PPP2R5E: variants seen among roughly 807,000 people sequenced by gnomAD.
PPP2R5E encodes protein phosphatase 2 regulatory subunit B'epsilon, also known as serine/threonine-protein phosphatase 2A 56 kDa regulatory subunit epsilon isoform.
PPP2R5E carries 4 observed loss-of-function variants against 65.3 expected under a neutral mutation model. That is an observed-to-expected ratio of 0.06 (90% CI 0.03 to 0.14). The LOEUF is 0.14. PPP2R5E is among the 10% of genes least tolerant of loss of function. The pLI is 1.00. For missense variants in PPP2R5E, 274 were observed against 556.1 expected, an observed-to-expected ratio of 0.49 and a Z score of 5.10; for synonymous variants, 183 against 187.4, an observed-to-expected ratio of 0.98 and a Z score of 0.19.
chr14:63,479,342 A>G (rs1353301397), intron 2 of PPP2R5E: 1 of 152,106 alleles, frequency 6.6e-6, no homozygotes, highest in Non-Finnish European at 1.5e-5. Context: ...CTGGAGGCAG[A>G]CATCACCCCT....
At chr14:63,395,394 G>C in intron 6 of PPP2R5E, 109 bp from the exon 7 acceptor site, 1 of 504,200 alleles carries the variant, frequency 2.0e-6, no homozygotes. Flanking sequence ...AGAAGAGGAG[G>C]AGGAGGAGGA....
chr14:63,428,549 T>A (rs1459484839), intron 3 of PPP2R5E, among the ~76,000 whole-genome samples: 1 of 152,194 alleles, frequency 6.6e-6, no homozygotes, highest in Non-Finnish European at 1.5e-5. Context: ...AGGGGCAAGG[T>A]CAAGGACCTC....
At chr14:63,473,343 T>C (rs1457511403) in intron 2 of PPP2R5E, among the ~76,000 whole-genome samples, 2 of 152,132 alleles carry the variant, frequency 1.3e-5, no homozygotes, top group Admixed American at 6.6e-5. Flanking sequence ...AAGGAACAGA[T>C]AAGCTCAATG....
At chr14:63,400,238 T>C (rs1490418902) in intron 5 of PPP2R5E, among the ~76,000 whole-genome samples, 2 of 152,212 alleles carry the variant, frequency 1.3e-5, no homozygotes, top group Non-Finnish European at 2.9e-5. Context: ...AGTCTTTGCT[T>C]TCTCAGAGCC....
chr14:63,522,229 G>C (rs1178446847), intron 2 of PPP2R5E, among the ~76,000 whole-genome samples: 1 of 152,192 alleles, frequency 6.6e-6, no homozygotes, highest in Non-Finnish European at 1.5e-5. Flanking sequence ...TGCAGACGGA[G>C]TCTGGTTCAC....
chr14:63,490,162 G>A (rs1177468337), intron 2 of PPP2R5E, among the ~76,000 whole-genome samples: 2 of 152,042 alleles, frequency 1.3e-5, no homozygotes, highest in Non-Finnish European at 2.9e-5. Context: ...TATAACTACT[G>A]AGCACTTGGG....
In PPP2R5E at chr14:63,465,992, T is replaced by C. The variant is rs1010137822; in HGVS notation, c.158-12107A>G. Among the ~76,000 whole-genome samples the C allele has an allele frequency of 2.1e-4, 32 of 152,200 alleles. 1 individual carries two copies. Among genetic ancestry groups the C allele is most frequent in the East Asian group, 5.8e-4 (3 of 5,194 alleles). On this transcript the variant is annotated intron_variant, in intron 2 of 13. Coordinates refer to ENST00000337537, the MANE Select transcript of PPP2R5E (RefSeq NM_006246.5). ...TTTTCAGCAAGCATGTAACATTCAA[T>C]TGACCCTCCCTCCCCACAACCCGGC... is the stretch of plus-strand genomic sequence containing the variant.
At chr14:63,493,499 T>C (rs1180617536) in intron 2 of PPP2R5E, among the ~76,000 whole-genome samples, 1 of 121,080 alleles carries the variant, frequency 8.3e-6, no homozygotes. Flanking sequence ...TGTGTGCGTG[T>C]GTGTGGTGGG....
intron 5 of PPP2R5E, among the ~76,000 whole-genome samples, chr14:63,398,014 C>T (rs569553589): frequency 1.3e-5 from 2 of 152,284 alleles, no homozygotes; most frequent in East Asian, 1.9e-4. Flanking sequence ...GAGGTGTGAG[C>T]CACCATGCCT....
At chr14:63,539,414 G>T in intron 2 of PPP2R5E, 115 bp downstream of exon 2, 2 of 1,137,086 alleles carry the variant, frequency 1.8e-6, no homozygotes, top group Non-Finnish European at 2.5e-6. Context: ...CAATGTATGT[G>T]AAGTATCCCA....
chr14:63,530,226 GT>G (rs555112537), intron 2 of PPP2R5E, among the ~76,000 whole-genome samples: 115 of 99,454 alleles, frequency 1.2e-3, no homozygotes, highest in East Asian at 2.3e-3. Flanking sequence ...AAATTTTTCC[GT>G]TTTTTTTTTT....
chr14:63,424,379 A>G (rs980487868), intron 3 of PPP2R5E, among the ~76,000 whole-genome samples: 6 of 152,208 alleles, frequency 3.9e-5, no homozygotes, highest in African/African-American at 7.2e-5. Flanking sequence ...CCAGAGACAT[A>G]TAAGACTCAG....
chr14:63,461,523 C>T (rs950707806), intron 2 of PPP2R5E, among the ~76,000 whole-genome samples: 4 of 151,882 alleles, frequency 2.6e-5, no homozygotes, highest in African/African-American at 9.7e-5. Flanking sequence ...GTGCTGGGCA[C>T]GTTGGCTCCC....
At chr14:63,539,016 A>G (rs929071298) in intron 2 of PPP2R5E, among the ~76,000 whole-genome samples, 4 of 152,182 alleles carry the variant, frequency 2.6e-5, no homozygotes, top group South Asian at 2.1e-4. Flanking sequence ...ATAGAAAGGT[A>G]TATCTTTTCT....
In PPP2R5E at chr14:63,539,627, T is replaced by A; in HGVS notation, c.59A>T (p.Lys20Met). Residue 20 changes from lysine to methionine, a missense_variant, in exon 2 of 14, where the codon AAG becomes ATG. By Grantham distance (95) the Lys-to-Met change is moderately conservative. Transcript: ENST00000337537. ...SVDKVDGFSRKSVRKARQKRS... is the reference protein window; with the variant it reads ...SVDKVDGFSRMSVRKARQKRS... ...CTTCTGTCTGGCTTTTCTGACGGACTTCCGAGAAAATCCGTCTACTTTATC... is the reference window on the plus strand; with the variant it reads ...CTTCTGTCTGGCTTTTCTGACGGACATCCGAGAAAATCCGTCTACTTTATC... The A allele has an allele frequency of 6.2e-7, 1 of 1,614,126 alleles. No homozygotes were observed. The highest frequency in any genetic ancestry group is 8.5e-7 in the Non-Finnish European group (1 of 1,179,966).
chr14:63,457,776 A>G (rs1175418711), intron 2 of PPP2R5E, among the ~76,000 whole-genome samples: 2 of 152,174 alleles, frequency 1.3e-5, no homozygotes, highest in Non-Finnish European at 2.9e-5. Context: ...GTATGTGTTC[A>G]AAAGAGAGAA....
rs761270921 is a variant in PPP2R5E at position 63,434,243 on chromosome 14, A to AAAAC, written c.355-12153_355-12150dup. Among the ~76,000 whole-genome samples, 235 of 152,340 alleles carry AAAAC rather than the reference A, an allele frequency of 1.5e-3. 2 individuals carry two copies. Among genetic ancestry groups the AAAAC allele is most frequent in the Non-Finnish European group, 2.5e-3 (168 of 68,034 alleles). On this transcript the variant is annotated intron_variant, in intron 3 of 13. Coordinates refer to ENST00000337537, the MANE Select transcript of PPP2R5E (RefSeq NM_006246.5). ...GGGAAGAGTCCAGTATAACAGCAAA[A>AAAAC]AAACAAACAAACAAACAAAAAATGG...
chr14:63,433,027 GT>G (rs1332283002), intron 3 of PPP2R5E, among the ~76,000 whole-genome samples: 1 of 114,042 alleles, frequency 8.8e-6, no homozygotes, highest in African/African-American at 3.5e-5. Flanking sequence ...TTTTTGTTTT[GT>G]TTTGTTTTTT....
chr14:63,413,694 T>G (rs1566684166), intron 5 of PPP2R5E, among the ~76,000 whole-genome samples: 1 of 152,150 alleles, frequency 6.6e-6, no homozygotes, highest in Non-Finnish European at 1.5e-5. Context: ...AGATCTACTA[T>G]GTATCACTTA....
Sources: gnomAD v4.1 joint callset for allele counts (sites outside exome capture counted in the v4.1 genomes callset) on GRCh38, gnomAD v4.1.1 for gene constraint, MANE v1.5 for transcripts, NCBI Gene and HGNC (gene_info 2026-07-23, HGNC 2026-07-21) for gene names.